Variants in DYNC2H1 observed in about 807,000 individuals in gnomAD.
DYNC2H1 encodes cytoplasmic dynein 2 heavy chain 1.
In DYNC2H1, 410 loss-of-function variants were observed where a neutral mutation model predicts 570.0. The observed-to-expected ratio is 0.72, with a 90% CI of 0.66 to 0.78. The LOEUF (loss-of-function observed/expected upper bound fraction) is 0.78. DYNC2H1 is among the 30% of genes least tolerant of loss of function. DYNC2H1 has a pLI of 0.00. For synonymous variants in DYNC2H1, 1,688 were observed against 1,677.6 expected, an observed-to-expected ratio of 1.01 and a Z score of -0.15; for missense variants, 4,865 against 5,046.4, an observed-to-expected ratio of 0.96 and a Z score of 1.09.
rs1591450191 is a variant in DYNC2H1, at chr11:103,234,286, G to C, written c.9567+126G>C. On this transcript the variant is annotated intron_variant, in intron 61 of 88. Transcript: ENST00000375735. The stretch of plus-strand genomic sequence containing the variant: ...GCACCTGGCTCAGGATAAATAATCT[G>C]GATATAAATGGCCATTATGTGAATT... The C allele has an allele frequency of 6.4e-6, 7 of 1,095,694 alleles. No homozygotes were observed. In the East Asian group the frequency reaches 1.9e-4, roughly 30 times the overall value. 67.9% of individuals were successfully genotyped at this position (1,095,694 alleles called of 1,614,324 possible).
At chr11:103,139,914 A>G (rs1180539873) in intron 17 of DYNC2H1, among the ~76,000 whole-genome samples, 1 of 152,162 alleles carries the variant, frequency 6.6e-6, no homozygotes, top group South Asian at 2.1e-4. Flanking sequence ...TTGAGTGCAT[A>G]TATATTTAGG....
At chr11:103,144,550 C>T (rs1268725043) in intron 18 of DYNC2H1, among the ~76,000 whole-genome samples, 1 of 152,036 alleles carries the variant, frequency 6.6e-6, no homozygotes, top group Non-Finnish European at 1.5e-5. Flanking sequence ...AACCTCTTAG[C>T]AACAGGAATT....
chr11:103,312,796 C>T lies in DYNC2H1; in HGVS notation c.11649+763C>T, dbSNP rs539512949. ...ATTTTTATAGTTTATATTGCCTAGA[C>T]GTCTCAAACTTCAAAACTTGTATTC... On this transcript the variant is annotated intron_variant, in intron 79 of 88. Transcript: ENST00000375735. Among the ~76,000 whole-genome samples the T allele has an allele frequency of 5.9e-5, 9 of 152,058 alleles. No individual in the cohort carries two copies. In the South Asian group the frequency reaches 1.5e-3, roughly 25 times the overall value.
intron 84 of DYNC2H1, chr11:103,409,443 T>C (rs1020051373): frequency 6.6e-6 from 1 of 152,122 alleles, no homozygotes; most frequent in Non-Finnish European, 1.5e-5. Context: ...GCTTTCTTAA[T>C]TGGTGGCTGC....
At chr11:103,354,389 C>A (rs1010972931) in intron 82 of DYNC2H1, among the ~76,000 whole-genome samples, 2 of 151,660 alleles carry the variant, frequency 1.3e-5, no homozygotes, top group African/African-American at 4.8e-5. Flanking sequence ...TTTAATGTGC[C>A]ATCCTTCCAT....
chr11:103,340,386 T>C (rs1939384886), intron 82 of DYNC2H1, among the ~76,000 whole-genome samples: 1 of 136,110 alleles, frequency 7.3e-6, no homozygotes, highest in Non-Finnish European at 1.6e-5. Context: ...CATTTTGACA[T>C]TGAGAAAATC....
rs1555042801 is a variant in DYNC2H1 at position 103,133,640 on chromosome 11, A to AT, written c.2040dup (p.Ala681CysfsTer3). 1.2e-6 allele frequency: 2 copies of AT among 1,613,468 alleles called. No individual in the cohort carries two copies. Among genetic ancestry groups the AT allele is most frequent in the South Asian group, 1.1e-5 (1 of 90,906 alleles). On this transcript the variant is annotated frameshift_variant, in exon 14 of 89. Coordinates refer to ENST00000375735, the MANE Select transcript of DYNC2H1 (RefSeq NM_001377.3). LOFTEE classifies it high-confidence loss of function. This position sits in a 1 kb window ranked among gnomAD's most constrained non-coding sequence, Gnocchi z 4.8. ...GAAGGCTATATCCAAAAACTCCAAA[A>AT]TGCTGCTGAACGGCTTGCCACTGAA...
Position 103,324,009 on chromosome 11 carries a change from C to G in DYNC2H1, c.12039+19C>G, listed in dbSNP as rs778374973. On this transcript the variant is annotated intron_variant, in intron 82 of 88. Coordinates refer to ENST00000375735, the MANE Select transcript of DYNC2H1 (RefSeq NM_001377.3). This position sits in a 1 kb window ranked among gnomAD's most constrained non-coding sequence, Gnocchi z 5.2. ...TTCTCAGGTAACCTAAAAAAAAGAT[C>G]TACCTTCAAAAAAAGTTGCTAGTGA... is the stretch of plus-strand genomic sequence containing the variant. 1 of 1,566,404 alleles carries G rather than the reference C, an allele frequency of 6.4e-7. No individual in the cohort carries two copies. The highest frequency in any genetic ancestry group is 1.7e-4 in the Middle Eastern group (1 of 5,856).
At position 103,249,735 on chromosome 11, in the gene DYNC2H1, G is replaced by A. The variant is rs985991187; in HGVS notation, c.10043-3550G>A. Among the ~76,000 whole-genome samples the A allele has an allele frequency of 6.6e-6, 1 of 151,888 alleles. No homozygotes were observed. Among genetic ancestry groups the A allele is most frequent in the Non-Finnish European group, 1.5e-5 (1 of 67,922 alleles). On this transcript the variant is annotated intron_variant, in intron 65 of 88. Transcript: ENST00000375735. This position sits in a 1 kb window ranked among gnomAD's most constrained non-coding sequence, Gnocchi z 4.6. ...TCACTCTGACTGCAGTCATGTTTGA[G>A]CACAAAAAACAGGAACACTTTCCAT...
chr11:103,287,697 T>A, intron 75 of DYNC2H1, 92 bp downstream of exon 75: 1 of 987,540 alleles, frequency 1.0e-6, no homozygotes. Context: ...AGTTTAGAAA[T>A]GTTATAATGT....
chr11:103,454,692 C>G (rs1011598637), intron 85 of DYNC2H1, among the ~76,000 whole-genome samples: 8 of 152,100 alleles, frequency 5.3e-5, no homozygotes, highest in Admixed American at 5.2e-4. Flanking sequence ...ATGTATTTCT[C>G]CAAATGGAAT....
chr11:103,386,600 T>C (rs11225757), intron 83 of DYNC2H1, among the ~76,000 whole-genome samples: 1 of 152,076 alleles, frequency 6.6e-6, no homozygotes. Flanking sequence ...GCTGCACCCA[T>C]TAACTCATCA....
rs1003135063 is a variant in DYNC2H1, at chr11:103,204,303, G to A, written c.8312-519G>A. 6.6e-6 allele frequency among the ~76,000 whole-genome samples: 1 copy of A among 152,148 alleles called. No individual in the cohort carries two copies. The highest frequency in any genetic ancestry group is 2.4e-5 in the African/African-American group (1 of 41,440). ...AATGAGATTTGGGTAGGGACACAGA[G>A]CCAAACCATATCAATACCTTAGCAA... On this transcript the variant is annotated intron_variant, in intron 51 of 88. Coordinates refer to ENST00000375735, the MANE Select transcript of DYNC2H1 (RefSeq NM_001377.3). This position sits in a 1 kb window ranked among gnomAD's most constrained non-coding sequence, Gnocchi z 4.1.
rs1860841047 is a variant in DYNC2H1, at chr11:103,156,651, T to C, written c.4008T>C (p.Asp1336=). The part of the protein sequence containing the change: ...SIWERKLAEL[D]EYLQNLNHIQ... ...GGGAAAGAAAACTTGCAGAGTTAGA[T>C]GAATACCTGCAGAATTTAAATCATA... The change falls in exon 26 of 89, where the codon GAT becomes GAC. Residue 1336 remains aspartate (D), a synonymous_variant. Coordinates refer to ENST00000375735, the MANE Select transcript of DYNC2H1 (RefSeq NM_001377.3). The C allele has an allele frequency of 2.5e-6, 4 of 1,613,462 alleles. No individual in the cohort carries two copies. The highest frequency in any genetic ancestry group is 3.4e-6 in the Non-Finnish European group (4 of 1,179,690).
Position 103,181,937 on chromosome 11 carries a change from A to C in DYNC2H1, c.6477+51A>C. ...TTAATCGAGGTGAGAAGTATGATTA[A>C]GAGTGATGCTTATTTTAACTTCCTT... On this transcript the variant is annotated intron_variant, in intron 40 of 88. Coordinates refer to ENST00000375735, the MANE Select transcript of DYNC2H1 (RefSeq NM_001377.3). The surrounding 1 kb of genome is among the most constrained non-coding windows in gnomAD (Gnocchi z 5.0). 1 of 1,558,606 alleles carries C rather than the reference A, an allele frequency of 6.4e-7. No homozygotes were observed. Among genetic ancestry groups the C allele is most frequent in the South Asian group, 1.2e-5 (1 of 83,510 alleles).
rs34032894 is a variant in DYNC2H1, at chr11:103,451,324, C to CTTTTTTTTTTTTTTTTTT, written c.12457-3852_12457-3835dup. 2.8e-4 allele frequency among the ~76,000 whole-genome samples: 20 copies of CTTTTTTTTTTTTTTTTTT among 71,034 alleles called. 4 individuals carry two copies. Among genetic ancestry groups the CTTTTTTTTTTTTTTTTTT allele is most frequent in the African/African-American group, 8.1e-4 (12 of 14,836 alleles). 46.6% of individuals were successfully genotyped at this position (71,034 alleles called of 152,430 possible). A position where few individuals can be genotyped will look rare whatever the true frequency, so the allele number is the denominator to read the frequency against. On this transcript the variant is annotated intron_variant, in intron 85 of 88. Coordinates refer to ENST00000375735, the MANE Select transcript of DYNC2H1 (RefSeq NM_001377.3). ...AGAAATGAATCACTGAGTAAAAGGG[C>CTTTTTTTTTTTTTTTTTT]TTTTTTTTTTTTTTTTTTTTTTTTT... is the stretch of plus-strand genomic sequence containing the variant.
intron 3 of DYNC2H1, among the ~76,000 whole-genome samples, chr11:103,114,767 A>T (rs558434370): frequency 6.6e-6 from 1 of 152,260 alleles, no homozygotes; most frequent in South Asian, 2.1e-4. Flanking sequence ...AAGACACTTT[A>T]ATTTGTGTAT....
intron 1 of DYNC2H1, among the ~76,000 whole-genome samples, chr11:103,111,735 G>T (rs548747772): frequency 6.6e-6 from 1 of 152,086 alleles, no homozygotes; most frequent in Non-Finnish European, 1.5e-5. Flanking sequence ...GCCCAACGAT[G>T]TATCTGTTAT....
chr11:103,208,513 G>A (rs1281641080), intron 52 of DYNC2H1, among the ~76,000 whole-genome samples: 1 of 152,082 alleles, frequency 6.6e-6, no homozygotes, highest in East Asian at 1.9e-4. Context: ...GGTGTGCTTG[G>A]GAAACAGAGA....
Sources: allele counts gnomAD v4.1 joint callset (sites outside exome capture counted in the v4.1 genomes callset), GRCh38; gene constraint gnomAD v4.1.1; non-coding constraint Gnocchi (gnomAD v3.1); transcripts MANE v1.5; gene names NCBI Gene and HGNC (gene_info 2026-07-23, HGNC 2026-07-21).